Variants in LRRC8C observed in about 807,000 individuals in gnomAD.
The protein encoded by LRRC8C is volume-regulated anion channel subunit LRRC8C.
In LRRC8C, 20 loss-of-function variants were observed where a neutral mutation model predicts 55.3. The ratio of observed to expected loss-of-function variants is 0.36; its 90% CI spans 0.25 to 0.53. LRRC8C has a LOEUF of 0.53. LRRC8C is among the 20% of genes least tolerant of loss of function. The probability of loss-of-function intolerance (pLI) is 0.92; values close to 1 mark genes in which losing one functional copy is unlikely to be tolerated. For synonymous variants in LRRC8C, 376 were observed against 360.7 expected (o/e 1.04, Z -0.48); for missense variants, 659 against 951.4 (o/e 0.69, Z 4.04).
rs929127570 is a variant in LRRC8C at position 89,633,325 on chromosome 1, A to G, written c.-5+3A>G. ...AGTCGACACTCTCGCGCCCGGAGGT[A>G]AGGGCGGGGGATCCGCGGAGGGATG... On this transcript the variant is annotated splice_donor_region_variant and intron_variant, in intron 1 of 2. Transcript: ENST00000370454. 6.6e-6 allele frequency: 1 copy of G among 152,228 alleles called. No individual in the cohort carries two copies. The highest frequency in any genetic ancestry group is 1.5e-5 in the Non-Finnish European group (1 of 68,108). The allele number at this position is 152,228 out of a possible 1,614,324, so 9.4% of individuals were successfully genotyped here.
At chr1:89,617,236 G>A in the LRRC8C span, among the ~76,000 whole-genome samples, 1 of 152,128 alleles carries the variant, frequency 6.6e-6, no homozygotes, top group African/African-American at 2.4e-5. Flanking sequence ...TGCCTAGGTA[G>A]AATATTTTTC....
chr1:89,674,305 A>G (rs1657497761), intron 1 of LRRC8C, among the ~76,000 whole-genome samples: 1 of 152,166 alleles, frequency 6.6e-6, no homozygotes, highest in African/African-American at 2.4e-5. Flanking sequence ...CTATAAAGAA[A>G]CTTTTCATGC....
intron 2 of LRRC8C, 31 bp from the exon 3 acceptor site, chr1:89,712,678 A>G (rs762942348): frequency 2.0e-6 from 3 of 1,516,822 alleles, no homozygotes; most frequent in South Asian, 1.1e-5. Flanking sequence ...TTTGAGTAAT[A>G]TAATTTGAAA....
intron 1 of LRRC8C, among the ~76,000 whole-genome samples, chr1:89,638,825 C>A (rs1019096582): frequency 6.6e-6 from 1 of 152,058 alleles, no homozygotes. Context: ...AAACTTCAGA[C>A]ATTCAACATC....
chr1:89,643,017 C>CAA (rs34145647), intron 1 of LRRC8C, among the ~76,000 whole-genome samples: 49 of 109,442 alleles, frequency 4.5e-4, no homozygotes, highest in African/African-American at 1.4e-3. Flanking sequence ...GACTGTGTCT[C>CAA]AAAAAAAAAA....
intron 1 of LRRC8C, among the ~76,000 whole-genome samples, chr1:89,676,897 C>T (rs1657563428): frequency 6.6e-6 from 1 of 152,142 alleles, no homozygotes; most frequent in Admixed American, 6.5e-5. Flanking sequence ...ATACAATTCC[C>T]TCTCATAATT....
the LRRC8C span, among the ~76,000 whole-genome samples, chr1:89,624,117 T>G: frequency 2.6e-5 from 4 of 152,186 alleles, no homozygotes; most frequent in Non-Finnish European, 5.9e-5. Context: ...CAGTGGATTG[T>G]GTTATAGGAG....
intron 1 of LRRC8C, among the ~76,000 whole-genome samples, chr1:89,643,828 A>G (rs943930888): frequency 1.3e-5 from 2 of 152,226 alleles, no homozygotes; most frequent in African/African-American, 4.8e-5. Flanking sequence ...TCTGAAGAAT[A>G]TAGTCCCTCA....
At chr1:89,655,699 G>A (rs1317451525) in intron 1 of LRRC8C, among the ~76,000 whole-genome samples, 1 of 152,132 alleles carries the variant, frequency 6.6e-6, no homozygotes, top group Admixed American at 6.5e-5. Context: ...GGGGCAAATC[G>A]ACTCCCAAGA....
chr1:89,659,502 C>A (rs1023959032), intron 1 of LRRC8C, among the ~76,000 whole-genome samples: 1 of 151,974 alleles, frequency 6.6e-6, no homozygotes, highest in South Asian at 2.1e-4. Context: ...GATATTTGGG[C>A]GTTAAGTAAT....
At chr1:89,685,812 A>C (rs960646566) in intron 1 of LRRC8C, among the ~76,000 whole-genome samples, 2 of 116,960 alleles carry the variant, frequency 1.7e-5, no homozygotes, top group African/African-American at 5.3e-5. Context: ...AAATGTGAGA[A>C]GTACAGGAAA....
rs188070091 is a variant in LRRC8C at position 89,654,979 on chromosome 1, A to T, written c.-5+21657A>T. Among the ~76,000 whole-genome samples, 19 of 147,536 alleles carry T rather than the reference A, an allele frequency of 1.3e-4. No individual in the cohort carries two copies. In the East Asian group the frequency reaches 3.7e-3, roughly 28 times the overall value. On this transcript the variant is annotated intron_variant, in intron 1 of 2. Coordinates refer to ENST00000370454, the MANE Select transcript of LRRC8C (RefSeq NM_032270.5). Reference sequence around the variant, plus strand: ...TTCTTCAGCCTCTTGAGTAGCTGGGATTACAGGCATGAGCCACCATGCCCA... The same window carrying T: ...TTCTTCAGCCTCTTGAGTAGCTGGGTTTACAGGCATGAGCCACCATGCCCA...
chr1:89,664,733 C>A (rs1459189024), intron 1 of LRRC8C, among the ~76,000 whole-genome samples: 2 of 152,144 alleles, frequency 1.3e-5, no homozygotes, highest in African/African-American at 2.4e-5. Context: ...TTACTTTGGG[C>A]AGTATGGCCA....
intron 2 of LRRC8C, among the ~76,000 whole-genome samples, chr1:89,706,552 G>A (rs1553167935): frequency 6.6e-6 from 1 of 152,116 alleles, no homozygotes; most frequent in Non-Finnish European, 1.5e-5. Context: ...TTAAAATAGT[G>A]AAAATTTCTA....
At chr1:89,660,246 A>G (rs1657077568) in intron 1 of LRRC8C, among the ~76,000 whole-genome samples, 1 of 152,212 alleles carries the variant, frequency 6.6e-6, no homozygotes, top group Non-Finnish European at 1.5e-5. Context: ...AGGCCCAGAT[A>G]AAGCTCTGGT....
In LRRC8C at chr1:89,637,329, G is replaced by A. The variant is rs60011334; in HGVS notation, c.-5+4007G>A. Among the ~76,000 whole-genome samples the A allele has an allele frequency of 3.6e-3, 541 of 151,556 alleles. 5 individuals carry two copies. Among genetic ancestry groups the A allele is most frequent in the African/African-American group, 0.013 (520 of 41,302 alleles). ...AAGGAACACCTACCTCAGAGAAGAG[G>A]TTGAGATAATGAGCAAGGAGGATTT... On this transcript the variant is annotated intron_variant, in intron 1 of 2. Coordinates refer to ENST00000370454, the MANE Select transcript of LRRC8C (RefSeq NM_032270.5).
At chr1:89,712,228 T>C (rs1329003831) in intron 2 of LRRC8C, among the ~76,000 whole-genome samples, 1 of 152,180 alleles carries the variant, frequency 6.6e-6, no homozygotes, top group African/African-American at 2.4e-5. Context: ...TTCTCCTGCC[T>C]CAACCTCCCA....
intron 1 of LRRC8C, among the ~76,000 whole-genome samples, chr1:89,660,546 C>T (rs1657090081): frequency 6.6e-6 from 1 of 152,142 alleles, no homozygotes; most frequent in South Asian, 2.1e-4. Flanking sequence ...CCAGATGTTC[C>T]CTAATAAATT....
At chr1:89,623,188 A>G in the LRRC8C span, among the ~76,000 whole-genome samples, 18 of 151,666 alleles carry the variant, frequency 1.2e-4, no homozygotes, top group South Asian at 2.3e-3. Context: ...ACACATGCGC[A>G]CACACACACA....
Sources: gnomAD v4.1 joint callset for allele counts (sites outside exome capture counted in the v4.1 genomes callset) on GRCh38, gnomAD v4.1.1 for gene constraint, MANE v1.5 for transcripts, NCBI Gene and HGNC (gene_info 2026-07-23, HGNC 2026-07-21) for gene names.